Variants in ALOX12 observed in about 807,000 individuals in gnomAD.
ALOX12 encodes the protein arachidonate 12-lipoxygenase, 12S type.
A neutral mutation model predicts 85.5 loss-of-function variants in ALOX12; 62 were observed. The ratio of observed to expected loss-of-function variants is 0.73; its 90% CI spans 0.59 to 0.90. ALOX12 has a LOEUF of 0.90. Ranked by LOEUF, ALOX12 falls within the 40% of genes least tolerant of loss-of-function variation. The pLI is 0.00. For synonymous variants in ALOX12, 299 were observed against 332.7 expected (o/e 0.90, Z 1.10); for missense variants, 751 against 856.5 (o/e 0.88, Z 1.54).
At chr17:6,996,273 G>A (rs955484186) in intron 1 of ALOX12, 21 bp downstream of exon 1, 5 of 1,229,110 alleles carry the variant, frequency 4.1e-6, no homozygotes, top group Admixed American at 4.3e-5. Context: ...GGAGCGAGGG[G>A]AGCTAGGGCA....
At position 6,996,096 on chromosome 17, in the gene ALOX12, G is replaced by A. The variant is rs1177525507; in HGVS notation, c.-22G>A. 8.0e-7 allele frequency: 1 copy of A among 1,245,566 alleles called. No homozygotes were observed. The highest frequency in any genetic ancestry group is 1.0e-6 in the Non-Finnish European group (1 of 988,576). The allele number at this position is 1,245,566 out of a possible 1,614,324, so 77.2% of individuals were successfully genotyped here. On this transcript the variant is annotated 5_prime_UTR_variant, in exon 1 of 14. Coordinates refer to ENST00000251535, the MANE Select transcript of ALOX12 (RefSeq NM_000697.3). ...AATCGCACAGGACCCGGCTCCCCTC[G>A]CCTAAGCTGCTGGGGGGCGCCATGG...
At chr17:7,001,507 G>A in intron 7 of ALOX12, 95 bp from the exon 8 acceptor site, 1 of 1,264,870 alleles carries the variant, frequency 7.9e-7, no homozygotes, top group Non-Finnish European at 1.1e-6. Flanking sequence ...CCTCCTAGAA[G>A]GCAATAATCT....
intron 1 of ALOX12, 142 bp downstream of exon 1, chr17:6,996,394 G>T: frequency 9.8e-7 from 1 of 1,018,760 alleles, no homozygotes; most frequent in Non-Finnish European, 1.3e-6. Flanking sequence ...CACGAAGCTG[G>T]GACGAGGTGG....
rs368950205 is a variant in ALOX12, at chr17:7,001,636, C to T, written c.986C>T (p.Thr329Ile). The change falls in exon 8 of 14, where the codon ACA (threonine) becomes ATA (isoleucine). Residue 329 changes from threonine to isoleucine, a missense_variant. Coordinates refer to ENST00000251535, the MANE Select transcript of ALOX12 (RefSeq NM_000697.3). Reference sequence around the variant, plus strand: ...CCCAACCCCAGCTCTCCAACCCCAACACTGTTCCTGCCCTCAGACCCCCCA... The same window carrying T: ...CCCAACCCCAGCTCTCCAACCCCAATACTGTTCCTGCCCTCAGACCCCCCA... ...QPPNPSSPTP[T>I]LFLPSDPPLA... 1.9e-6 allele frequency: 3 copies of T among 1,614,218 alleles called. No homozygotes were observed. Among genetic ancestry groups the T allele is most frequent in the Admixed American group, 1.7e-5 (1 of 60,026 alleles).
rs1258667773 is a variant in ALOX12 at position 6,996,215 on chromosome 17, C to CGGAGCT, written c.106_111dup (p.Glu36_Leu37dup). 8.0e-7 allele frequency: 1 copy of CGGAGCT among 1,250,068 alleles called. No individual in the cohort carries two copies. Among genetic ancestry groups the CGGAGCT allele is most frequent in the Non-Finnish European group, 1.0e-6 (1 of 990,626 alleles). 77.4% of individuals were successfully genotyped at this position (1,250,068 alleles called of 1,614,324 possible). The stretch of plus-strand genomic sequence containing the variant: ...TGGCTGGTCGGGACGCGCGGGGAGG[C>CGGAGCT]GGAGCTGGAGCTGCAGCTGCGGCCC... On this transcript the variant is annotated inframe_insertion, in exon 1 of 14. Transcript: ENST00000251535.
In ALOX12 at chr17:7,005,253, C is replaced by A; in HGVS notation, c.1162-4C>A. The A allele has an allele frequency of 6.2e-7, 1 of 1,613,060 alleles. No homozygotes were observed. Among genetic ancestry groups the A allele is most frequent in the Non-Finnish European group, 8.5e-7 (1 of 1,179,078 alleles). On this transcript the variant is annotated splice_polypyrimidine_tract_variant and splice_region_variant and intron_variant, in intron 8 of 13. Coordinates refer to ENST00000251535, the MANE Select transcript of ALOX12 (RefSeq NM_000697.3). The stretch of plus-strand genomic sequence containing the variant: ...GTCACGCCCTCCAATCTCCTCCTCT[C>A]CAGTTCCTGATCCCCCATATCCGCT...
chr17:7,006,003 T>TAC lies in ALOX12; in HGVS notation c.1395_1396dup (p.Arg466HisfsTer24). 6.5e-7 allele frequency: 1 copy of TAC among 1,534,762 alleles called. No homozygotes were observed. Among genetic ancestry groups the TAC allele is most frequent in the Non-Finnish European group, 8.8e-7 (1 of 1,141,074 alleles). Reference sequence around the variant, plus strand: ...GGTGCTCTCTATGCCCATGATGCTTTACGGCTCTGGGAGATCATTGCCAGG... The same window carrying TAC: ...GGTGCTCTCTATGCCCATGATGCTTTACACGGCTCTGGGAGATCATTGCCAGG... On this transcript the variant is annotated frameshift_variant, in exon 10 of 14. Coordinates refer to ENST00000251535, the MANE Select transcript of ALOX12 (RefSeq NM_000697.3). LOFTEE classifies it high-confidence loss of function.
At position 6,996,083 on chromosome 17, in the gene ALOX12, C is replaced by T; in HGVS notation, c.-35C>T. Reference sequence around the variant, plus strand: ...GGGCGGTCCCGGGAATCGCACAGGACCCGGCTCCCCTCGCCTAAGCTGCTG... The same window carrying T: ...GGGCGGTCCCGGGAATCGCACAGGATCCGGCTCCCCTCGCCTAAGCTGCTG... On this transcript the variant is annotated 5_prime_UTR_variant, in exon 1 of 14. Coordinates refer to ENST00000251535, the MANE Select transcript of ALOX12 (RefSeq NM_000697.3). 8.0e-7 allele frequency: 1 copy of T among 1,242,828 alleles called. No individual in the cohort carries two copies. The highest frequency in any genetic ancestry group is 1.0e-6 in the Non-Finnish European group (1 of 987,588). 77.0% of individuals were successfully genotyped at this position (1,242,828 alleles called of 1,614,324 possible).
In ALOX12 at chr17:7,010,264, A is replaced by G; in HGVS notation, c.1833A>G (p.Lys611=). The change falls in exon 14 of 14, where the codon AAA becomes AAG. Residue 611 remains lysine (K), a synonymous_variant. Coordinates refer to ENST00000251535, the MANE Select transcript of ALOX12 (RefSeq NM_000697.3). Reference sequence around the variant, plus strand: ...CTCAGGTGCCTCTGGGGCACCACAAAGAAAAATATTTCTCAGGCCCCAAGC... The same window carrying G: ...CTCAGGTGCCTCTGGGGCACCACAAGGAAAAATATTTCTCAGGCCCCAAGC... The part of the protein sequence containing the change: ...QPDMVPLGHH[K]EKYFSGPKPK... The G allele has an allele frequency of 6.2e-7, 1 of 1,613,884 alleles. No individual in the cohort carries two copies.
At position 6,996,950 on chromosome 17, in the gene ALOX12, G is replaced by A. The variant is rs763572123; in HGVS notation, c.260G>A (p.Gly87Glu). 1.3e-4 allele frequency: 205 copies of A among 1,597,092 alleles called. No individual in the cohort carries two copies. The highest frequency in any genetic ancestry group is 1.3e-5 in the African/African-American group (1 of 74,628). ...FCDRITVQGP[G>E]ACAEVAFPCY... The stretch of plus-strand genomic sequence containing the variant: ...GACCGCATCACGGTGCAGGGCCCTG[G>A]AGCCTGCGCGGAGGTGGCCTTCCCG... Residue 87 changes from glycine to glutamate, a missense_variant, in exon 2 of 14, where the codon GGA becomes GAA. Coordinates refer to ENST00000251535, the MANE Select transcript of ALOX12 (RefSeq NM_000697.3).
In ALOX12 at chr17:7,002,880, A is replaced by G. The variant is rs182400857; in HGVS notation, c.1161+1069A>G. Reference sequence around the variant, plus strand: ...AAATGAGGTGTTTGGTTTTAGGTACATGGAGTTTGATGTATTGGCAAGATA... The same window carrying G: ...AAATGAGGTGTTTGGTTTTAGGTACGTGGAGTTTGATGTATTGGCAAGATA... On this transcript the variant is annotated intron_variant, in intron 8 of 13. Coordinates refer to ENST00000251535, the MANE Select transcript of ALOX12 (RefSeq NM_000697.3). Among the ~76,000 whole-genome samples, 32 of 152,304 alleles carry G rather than the reference A, an allele frequency of 2.1e-4. No individual in the cohort carries two copies. In the East Asian group the frequency reaches 6.0e-3, roughly 28 times the overall value.
At chr17:7,009,517 T>C (rs901150813) in intron 11 of ALOX12, 4 of 512,902 alleles carry the variant, frequency 7.8e-6, no homozygotes, top group African/African-American at 7.6e-5. Context: ...ATAATGTAGG[T>C]ATCGTCCATA....
chr17:6,997,707 C>G (rs549613692), intron 2 of ALOX12, among the ~76,000 whole-genome samples: 8 of 151,748 alleles, frequency 5.3e-5, no homozygotes, highest in South Asian at 2.1e-4. Flanking sequence ...ACAGGCACCC[C>G]CCACCACACC....
intron 2 of ALOX12, among the ~76,000 whole-genome samples, chr17:6,997,945 AT>A (rs1350176661): frequency 2.0e-5 from 3 of 152,078 alleles, no homozygotes; most frequent in Non-Finnish European, 4.4e-5. Flanking sequence ...GGAACATCAA[AT>A]CTATGACTTT....
chr17:6,998,480 T>G (rs1279127559), intron 2 of ALOX12, 29 bp from the exon 3 acceptor site: 2 of 1,517,692 alleles, frequency 1.3e-6, no homozygotes, highest in East Asian at 2.3e-5. Context: ...GACAGAGCCG[T>G]GAGGCCAATT....
At chr17:7,006,857 C>T (rs1909113272) in intron 11 of ALOX12, among the ~76,000 whole-genome samples, 1 of 152,168 alleles carries the variant, frequency 6.6e-6, no homozygotes. Context: ...ACAGATGCCC[C>T]TGAACTGCCA....
intron 8 of ALOX12, among the ~76,000 whole-genome samples, chr17:7,003,289 G>C (rs536285077): frequency 2.9e-4 from 44 of 152,314 alleles, no homozygotes; most frequent in African/African-American, 1.0e-3. Context: ...TCTGACTTTG[G>C]ATTGCTGGGG....
Position 7,001,670 on chromosome 17 carries a change from G to A in ALOX12, c.1020G>A (p.Trp340Ter), listed in dbSNP as rs1908716802. ...TGCCCTCAGACCCCCCACTTGCCTG[G>A]CTCCTGGCAAAGTCCTGGGTCCGAA... ...LFLPSDPPLA[W>*]LLAKSWVRNS... Residue 340 changes from tryptophan (W) to a stop codon, truncating the protein, a stop_gained, in exon 8 of 14, where the codon TGG becomes TGA. Coordinates refer to ENST00000251535, the MANE Select transcript of ALOX12 (RefSeq NM_000697.3). LOFTEE classifies it high-confidence loss of function. The A allele has an allele frequency of 6.2e-7, 1 of 1,614,050 alleles. No homozygotes were observed. Among genetic ancestry groups the A allele is most frequent in the Non-Finnish European group, 8.5e-7 (1 of 1,180,020 alleles).
chr17:7,007,538 C>G (rs1217190983), intron 11 of ALOX12, among the ~76,000 whole-genome samples: 1 of 152,216 alleles, frequency 6.6e-6, no homozygotes, highest in Non-Finnish European at 1.5e-5. Context: ...ACCAAACTCT[C>G]TCTAGTTCTT....
Sources: allele counts gnomAD v4.1 joint callset (sites outside exome capture counted in the v4.1 genomes callset), GRCh38; gene constraint gnomAD v4.1.1; transcripts MANE v1.5; gene names NCBI Gene and HGNC (gene_info 2026-07-23, HGNC 2026-07-21).